Variants in PCCB observed in about 807,000 individuals in gnomAD.
The protein encoded by PCCB is propionyl-CoA carboxylase subunit beta.
A neutral mutation model predicts 60.7 loss-of-function variants in PCCB; 43 were observed. That is an observed-to-expected ratio of 0.71 (90% CI 0.55 to 0.91). The LOEUF (loss-of-function observed/expected upper bound fraction) is 0.91, where lower values mean the gene tolerates loss of function less well. Ranked by LOEUF, PCCB falls within the 40% of genes least tolerant of loss-of-function variation. The pLI, the probability that PCCB is intolerant of heterozygous loss-of-function variation, is 0.00. For missense variants in PCCB, 766 were observed against 702.8 expected (o/e 1.09, Z -1.02); for synonymous variants, 276 against 255.9 (o/e 1.08, Z -0.75).
intron 3 of PCCB, among the ~76,000 whole-genome samples, chr3:136,258,650 G>A (rs1941740305): frequency 6.6e-6 from 1 of 152,164 alleles, no homozygotes. Flanking sequence ...CTCATTCAGT[G>A]TATAGGCTCC....
intron 9 of PCCB, among the ~76,000 whole-genome samples, chr3:136,314,120 GAACCAGA>G (rs1474042745): frequency 6.6e-6 from 1 of 152,076 alleles, no homozygotes; most frequent in Non-Finnish European, 1.5e-5. Context: ...AAACCAAGAT[GAACCAGA>G]AAGTAAGATA....
chr3:136,261,584 AC>A, intron 4 of PCCB, among the ~76,000 whole-genome samples: 1 of 148,594 alleles, frequency 6.7e-6, no homozygotes, highest in East Asian at 1.9e-4. Flanking sequence ...TCATGAAAGT[AC>A]TACTTTGCCA....
At chr3:136,290,165 C>G (rs1178105671) in intron 6 of PCCB, among the ~76,000 whole-genome samples, 2 of 151,960 alleles carry the variant, frequency 1.3e-5, no homozygotes, top group Non-Finnish European at 2.9e-5. Flanking sequence ...TATCATTTAC[C>G]TTTTCTGTAA....
intron 6 of PCCB, 77 bp downstream of exon 6, chr3:136,284,024 C>A (rs1017673022): frequency 1.1e-6 from 1 of 917,762 alleles, no homozygotes; most frequent in East Asian, 2.4e-5. Flanking sequence ...TAATTCCTGA[C>A]CCAGATCTAG....
At chr3:136,329,035 C>T (rs1576362014) in intron 14 of PCCB, among the ~76,000 whole-genome samples, 178 bp downstream of exon 14, 1 of 152,202 alleles carries the variant, frequency 6.6e-6, no homozygotes, top group East Asian at 1.9e-4. Flanking sequence ...GGACAGGCTG[C>T]TTTGGTAACC....
chr3:136,256,106 A>G, intron 2 of PCCB, 131 bp downstream of exon 2: 1 of 1,368,670 alleles, frequency 7.3e-7, no homozygotes, highest in Middle Eastern at 1.8e-4. Context: ...TCAAGCCCAG[A>G]TAATTTTTGT....
intron 5 of PCCB, among the ~76,000 whole-genome samples, chr3:136,268,087 G>GATATAGATATATATATATATATAT (rs1313121628): frequency 1.1e-5 from 1 of 93,800 alleles, no homozygotes; most frequent in African/African-American, 4.6e-5. Context: ...TGTGTGTGTA[G>GATATAGATATATATATATATATAT]ATATATATAT....
intron 1 of PCCB, among the ~76,000 whole-genome samples, chr3:136,254,847 T>C (rs1041279899): frequency 4.6e-5 from 7 of 150,812 alleles, no homozygotes; most frequent in African/African-American, 1.7e-4. Context: ...CCTGGTAGAT[T>C]GAGAGCTCTG....
At chr3:136,293,966 G>A in intron 7 of PCCB, 102 bp downstream of exon 7, 1 of 746,520 alleles carries the variant, frequency 1.3e-6, no homozygotes, top group Non-Finnish European at 2.4e-6. Flanking sequence ...TTAATTGGCA[G>A]ACCTTATTTG....
intron 9 of PCCB, among the ~76,000 whole-genome samples, chr3:136,314,096 C>G (rs1934782115): frequency 6.6e-6 from 1 of 152,000 alleles, no homozygotes; most frequent in Non-Finnish European, 1.5e-5. Flanking sequence ...GATTGTAGGG[C>G]TGGGGCAGGA....
At chr3:136,257,322 G>A (rs1365651723) in intron 3 of PCCB, among the ~76,000 whole-genome samples, 2 of 152,266 alleles carry the variant, frequency 1.3e-5, no homozygotes, top group East Asian at 1.9e-4. Flanking sequence ...GGGACCATCA[G>A]CAAAGGAGTG....
chr3:136,305,265 T>C (rs1373667623), intron 9 of PCCB, among the ~76,000 whole-genome samples: 1 of 118,516 alleles, frequency 8.4e-6, no homozygotes, highest in African/African-American at 2.5e-5. Flanking sequence ...TGGCTAATTT[T>C]TGTATTTTTA....
chr3:136,314,677 A>G (rs973154951), intron 9 of PCCB, among the ~76,000 whole-genome samples: 1 of 150,778 alleles, frequency 6.6e-6, no homozygotes, highest in Non-Finnish European at 1.5e-5. Context: ...AACAAAAACA[A>G]AAAAACAAAA....
chr3:136,271,867 A>G (rs920747088), intron 5 of PCCB, among the ~76,000 whole-genome samples: 8 of 152,048 alleles, frequency 5.3e-5, no homozygotes, highest in Admixed American at 4.6e-4. Flanking sequence ...TCTCTTGCCC[A>G]ATTGCTCTGG....
intron 2 of PCCB, 53 bp from the exon 3 acceptor site, chr3:136,256,502 A>T: frequency 1.5e-6 from 2 of 1,330,346 alleles, no homozygotes; most frequent in South Asian, 2.3e-5. Flanking sequence ...GGCCAAACTC[A>T]TTAGAAGAAG....
intron 9 of PCCB, among the ~76,000 whole-genome samples, chr3:136,310,942 A>G (rs1934640143): frequency 6.6e-6 from 1 of 152,182 alleles, no homozygotes; most frequent in Non-Finnish European, 1.5e-5. Flanking sequence ...ATGTAATAAA[A>G]TTTGGTATAG....
At chr3:136,272,943 T>C (rs368778944) in intron 5 of PCCB, among the ~76,000 whole-genome samples, 25 of 152,328 alleles carry the variant, frequency 1.6e-4, no homozygotes, top group Middle Eastern at 6.8e-3. Flanking sequence ...GACTTTTTGA[T>C]GTATGTACTT....
At chr3:136,320,661 G>T (rs1259821199) in intron 10 of PCCB, among the ~76,000 whole-genome samples, 1 of 152,178 alleles carries the variant, frequency 6.6e-6, no homozygotes, top group African/African-American at 2.4e-5. Flanking sequence ...CCTTTTAGTT[G>T]TGAATAATGC....
At chr3:136,256,487 A>C in intron 2 of PCCB, 68 bp from the exon 3 acceptor site, 2 of 1,133,886 alleles carry the variant, frequency 1.8e-6, no homozygotes, top group Non-Finnish European at 2.7e-6. Context: ...TCATTGAGGC[A>C]TAGTGGCCAA....
Sources: gnomAD v4.1 joint callset for allele counts (sites outside exome capture counted in the v4.1 genomes callset) on GRCh38, gnomAD v4.1.1 for gene constraint, MANE v1.5 for transcripts, NCBI Gene and HGNC (gene_info 2026-07-23, HGNC 2026-07-21) for gene names.